GOLGA4: variants seen among roughly 807,000 people sequenced by gnomAD.
GOLGA4 encodes the protein golgin A4.
Under a neutral mutation model 265.9 loss-of-function variants are expected in GOLGA4, and 169 were observed. That is an observed-to-expected ratio of 0.64 (90% CI 0.56 to 0.72). The LOEUF is 0.72. Among genes scored for constraint, GOLGA4 ranks in the 30% least tolerant of loss-of-function variants. GOLGA4 has a pLI of 0.00. For missense variants in GOLGA4, 2,482 were observed against 2,483.4 expected, an observed-to-expected ratio of 1.00 and a Z score of 0.01; for synonymous variants, 923 against 855.8, an observed-to-expected ratio of 1.08 and a Z score of -1.37.
chr3:37,325,594 C>T lies in GOLGA4; in HGVS notation c.3708C>T (p.Ile1236=), dbSNP rs780887156. 3 of 1,612,066 alleles carry T rather than the reference C, an allele frequency of 1.9e-6. No homozygotes were observed. Among genetic ancestry groups the T allele is most frequent in the Non-Finnish European group, 2.5e-6 (3 of 1,178,346 alleles). Residue 1236 remains isoleucine (I), a synonymous_variant, in exon 14 of 24, where the codon ATC becomes ATT. Transcript: ENST00000361924. ...ALLEAKTNEL[I]NISSSKTNAI... ...TAGAAGCTAAAACAAATGAGCTAAT[C>T]AACATTAGTAGTAGTAAAACTAATG...
At chr3:37,333,553 T>A (rs984393233) in intron 16 of GOLGA4, among the ~76,000 whole-genome samples, 2 of 152,208 alleles carry the variant, frequency 1.3e-5, no homozygotes, top group Non-Finnish European at 2.9e-5. Flanking sequence ...CTAATTGTCA[T>A]ATTAGAAACT....
chr3:37,340,202 A>T lies in GOLGA4; in HGVS notation c.6472+3A>T. On this transcript the variant is annotated splice_donor_region_variant and intron_variant, in intron 20 of 23. Coordinates refer to ENST00000361924, the MANE Select transcript of GOLGA4 (RefSeq NM_002078.5). ...AACTGTGGGGACACCTTACAAAGGTAAGGATGATCTCGTGTCATGTTATTA... is the reference window on the plus strand; with the variant it reads ...AACTGTGGGGACACCTTACAAAGGTTAGGATGATCTCGTGTCATGTTATTA... 3 of 1,209,772 alleles carry T rather than the reference A, an allele frequency of 2.5e-6. No homozygotes were observed. The highest frequency in any genetic ancestry group is 3.6e-6 in the Non-Finnish European group (3 of 843,142). The allele number at this position is 1,209,772 out of a possible 1,614,324, so 74.9% of individuals were successfully genotyped here. A position where few individuals can be genotyped will look rare whatever the true frequency, so the allele number is the denominator to read the frequency against.
Position 37,323,924 on chromosome 3 carries a change from G to C in GOLGA4, c.2038G>C (p.Asp680His), listed in dbSNP as rs1559428081. 7 of 1,613,692 alleles carry C rather than the reference G, an allele frequency of 4.3e-6. No homozygotes were observed. The highest frequency in any genetic ancestry group is 5.1e-6 in the Non-Finnish European group (6 of 1,179,946). Reference protein sequence around the residue: ...EMNEKTLEKLDVKQTELESLS... With the variant: ...EMNEKTLEKLHVKQTELESLS... The stretch of plus-strand genomic sequence containing the variant: ...GAATGAAAAGACTTTAGAAAAGCTT[G>C]ATGTGAAGCAAACAGAACTAGAATC... Residue 680 changes from aspartate to histidine, a missense_variant, in exon 14 of 24, where the codon GAT (aspartate) becomes CAT (histidine). This residue lies in a region of GOLGA4 where 1,536 missense variants were observed against 1,483.7 expected (regional missense o/e 1.04). Coordinates refer to ENST00000361924, the MANE Select transcript of GOLGA4 (RefSeq NM_002078.5).
At chr3:37,366,007 C>T in intron 23 of GOLGA4, 73 bp from the exon 24 acceptor site, 1 of 1,296,172 alleles carries the variant, frequency 7.7e-7, no homozygotes, top group Non-Finnish European at 1.1e-6. Flanking sequence ...AACAAATATC[C>T]CAAAAAGTCA....
chr3:37,269,885 C>CTTTTT (rs763272448), intron 2 of GOLGA4, among the ~76,000 whole-genome samples: 2 of 79,028 alleles, frequency 2.5e-5, no homozygotes, highest in Non-Finnish European at 4.7e-5. Flanking sequence ...TGTAGGGTAG[C>CTTTTT]TTTTTTTTTT....
intron 2 of GOLGA4, among the ~76,000 whole-genome samples, chr3:37,267,359 C>T (rs969205188): frequency 6.6e-6 from 1 of 152,126 alleles, no homozygotes; most frequent in East Asian, 1.9e-4. Context: ...TATGTAAATC[C>T]ATAATTAAAC....
In GOLGA4 at chr3:37,326,560, A is replaced by C; in HGVS notation, c.4674A>C (p.Glu1558Asp). 6.2e-7 allele frequency: 1 copy of C among 1,612,180 alleles called. No individual in the cohort carries two copies. Among genetic ancestry groups the C allele is most frequent in the Non-Finnish European group, 8.5e-7 (1 of 1,178,702 alleles). The change falls in exon 14 of 24, where the codon GAA (glutamate) becomes GAC (aspartate). Residue 1558 changes from glutamate (E) to aspartate (D), a missense_variant. Physicochemically the swap from Glu to Asp is conservative, Grantham distance 45. Around this residue, in one of 3 missense-constraint regions of GOLGA4, gnomAD observed 942 missense variants for 983.1 expected, o/e 0.96. Coordinates refer to ENST00000361924, the MANE Select transcript of GOLGA4 (RefSeq NM_002078.5). The part of the protein sequence containing the change: ...LKNYNQQKDI[E>D]HKELVQKLQH... Reference sequence around the variant, plus strand: ...ATTACAATCAACAAAAGGATATTGAACACAAAGAATTGGTTCAGAAACTTC... The same window carrying C: ...ATTACAATCAACAAAAGGATATTGACCACAAAGAATTGGTTCAGAAACTTC...
intron 16 of GOLGA4, 43 bp from the exon 17 acceptor site, chr3:37,335,009 CT>C (rs11396224): frequency 4.9e-6 from 6 of 1,220,940 alleles, no homozygotes; most frequent in South Asian, 4.2e-5. Context: ...ACTAATGCTT[CT>C]TTTTTTTCTT....
chr3:37,317,075 T>C (rs1237170187), intron 11 of GOLGA4, among the ~76,000 whole-genome samples: 1 of 152,210 alleles, frequency 6.6e-6, no homozygotes, highest in Non-Finnish European at 1.5e-5. Flanking sequence ...TGCTCAAGAT[T>C]CTATTGTATG....
chr3:37,286,024 C>T lies in GOLGA4; in HGVS notation c.488C>T (p.Ala163Val). The change falls in exon 4 of 24, where the codon GCT becomes GTT. Residue 163 changes from alanine to valine, a missense_variant. Transcript: ENST00000361924. The stretch of plus-strand genomic sequence containing the variant: ...ATGACTATATTTTAGCTTGTTACAG[C>T]TTATCAGATGCTTCAGAGAGAGAAG... ...YRGKYSELVT[A>V]YQMLQREKKK... The T allele has an allele frequency of 1.3e-6, 2 of 1,567,544 alleles. No homozygotes were observed. The highest frequency in any genetic ancestry group is 1.7e-6 in the Non-Finnish European group (2 of 1,143,016).
chr3:37,325,804 T>A lies in GOLGA4; in HGVS notation c.3918T>A (p.Ile1306=), dbSNP rs2096968634. The A allele has an allele frequency of 1.2e-5, 19 of 1,612,828 alleles. No individual in the cohort carries two copies. The highest frequency in any genetic ancestry group is 1.6e-5 in the Non-Finnish European group (19 of 1,179,204). ...THQLEEKENQ[I]KSMKADIESL... Reference sequence around the variant, plus strand: ...AGTTAGAAGAAAAAGAAAATCAAATTAAGAGCATGAAGGCTGATATTGAAA... The same window carrying A: ...AGTTAGAAGAAAAAGAAAATCAAATAAAGAGCATGAAGGCTGATATTGAAA... Residue 1306 remains isoleucine, a synonymous_variant, in exon 14 of 24, where the codon ATT becomes ATA. Coordinates refer to ENST00000361924, the MANE Select transcript of GOLGA4 (RefSeq NM_002078.5).
At chr3:37,337,242 C>G (rs964021750) in intron 18 of GOLGA4, 79 bp downstream of exon 18, 55 of 782,094 alleles carry the variant, frequency 7.0e-5, no homozygotes, top group Non-Finnish European at 1.1e-4. Context: ...GGCTGTTGCC[C>G]AGGCTGGAGT....
At chr3:37,313,974 T>TG (rs1054200017) in intron 10 of GOLGA4, among the ~76,000 whole-genome samples, 2 of 151,924 alleles carry the variant, frequency 1.3e-5, no homozygotes, top group Admixed American at 6.6e-5. Flanking sequence ...TATTTTTTTT[T>TG]TTTTTTTGAG....
intron 5 of GOLGA4, among the ~76,000 whole-genome samples, chr3:37,291,571 CTG>C (rs1359297552): frequency 6.6e-6 from 1 of 152,244 alleles, no homozygotes; most frequent in African/African-American, 2.4e-5. Context: ...ACTTAGAAAA[CTG>C]TGAGAGAGCT....
At chr3:37,285,173 T>TA (rs199535886) in intron 3 of GOLGA4, among the ~76,000 whole-genome samples, 1 of 73,568 alleles carries the variant, frequency 1.4e-5, no homozygotes, top group African/African-American at 3.9e-5. Context: ...TTTTTTTTTT[T>TA]AAATTATAAT....
chr3:37,336,791 A>G (rs939423112), intron 17 of GOLGA4, among the ~76,000 whole-genome samples: 1 of 143,614 alleles, frequency 7.0e-6, no homozygotes, highest in East Asian at 2.0e-4. Flanking sequence ...AGAGAGAGAA[A>G]GAGAAAGAGA....
intron 14 of GOLGA4, 133 bp from the exon 15 acceptor site, chr3:37,328,283 C>G (rs990190251): frequency 2.7e-6 from 1 of 366,510 alleles, no homozygotes; most frequent in South Asian, 2.6e-5. Context: ...CTCTCACACT[C>G]TCTCTCTCTC....
At position 37,327,101 on chromosome 3, in the gene GOLGA4, A is replaced by G; in HGVS notation, c.5215A>G (p.Ser1739Gly). 1.2e-6 allele frequency: 2 copies of G among 1,613,702 alleles called. No homozygotes were observed. The highest frequency in any genetic ancestry group is 1.7e-6 in the Non-Finnish European group (2 of 1,179,802). Residue 1739 changes from serine (S) to glycine (G), a missense_variant, in exon 14 of 24, where the codon AGT becomes GGT. Physicochemically the swap from Ser to Gly is moderately conservative, Grantham distance 56. This residue lies in a region of GOLGA4 where 942 missense variants were observed against 983.1 expected (regional missense o/e 0.96). Transcript: ENST00000361924. ...GCAGAAGACATATGAAGAAAAAATC[A>G]GTGTTTTACAAAGAAACTTAACTGA... Reference protein sequence around the residue: ...CVQKTYEEKISVLQRNLTEKE... With the variant: ...CVQKTYEEKIGVLQRNLTEKE...
intron 4 of GOLGA4, chr3:37,287,436 G>A (rs2096852637): frequency 6.6e-6 from 1 of 152,210 alleles, no homozygotes. Context: ...TTTCAATAGA[G>A]CCAATGAAAT....
Sources: gnomAD v4.1 joint callset for allele counts (sites outside exome capture counted in the v4.1 genomes callset) on GRCh38, gnomAD v4.1.1 for gene constraint, gnomAD v4.1.1 regional missense constraint, MANE v1.5 for transcripts, NCBI Gene and HGNC (gene_info 2026-07-23, HGNC 2026-07-21) for gene names.